The following ARMC9 variants were observed in gnomAD, a reference collection of about 807,000 sequenced individuals.
ARMC9 encodes the protein lisH domain-containing protein ARMC9.
Under a neutral mutation model 107.0 loss-of-function variants are expected in ARMC9, and 94 were observed. The ratio of observed to expected loss-of-function variants is 0.88; its 90% CI spans 0.74 to 1.04. The LOEUF is 1.04. Ranked by LOEUF, ARMC9 falls within the 50% of genes least tolerant of loss-of-function variation. ARMC9 has a pLI of 0.00. For synonymous variants in ARMC9, 380 were observed against 396.9 expected (o/e 0.96, Z 0.51); for missense variants, 942 against 1,030.1 (o/e 0.91, Z 1.17).
rs61031104 is a variant in ARMC9 at position 231,221,830 on chromosome 2, C to CAA, written c.505-881_505-880dup. 5.7e-4 allele frequency among the ~76,000 whole-genome samples: 42 copies of CAA among 74,056 alleles called. 1 individual carries two copies. Among genetic ancestry groups the CAA allele is most frequent in the South Asian group, 4.6e-3 (9 of 1,944 alleles). 48.6% of individuals were successfully genotyped at this position (74,056 alleles called of 152,430 possible). A position where few individuals can be genotyped will look rare whatever the true frequency, so the allele number is the denominator to read the frequency against. ...TGGGTGACAAAGCAAGACTCTGTCTCAAAAAAAAAAAAAAAAAAGAACTTT... is the reference window on the plus strand; with the variant it reads ...TGGGTGACAAAGCAAGACTCTGTCTCAAAAAAAAAAAAAAAAAAAAGAACTTT... On this transcript the variant is annotated intron_variant, in intron 5 of 24. Transcript: ENST00000611582.
At chr2:231,327,700 A>ATAAT (rs1232305922) in intron 19 of ARMC9, among the ~76,000 whole-genome samples, 1 of 152,234 alleles carries the variant, frequency 6.6e-6, no homozygotes, top group Non-Finnish European at 1.5e-5. Context: ...GCCCAGGAGT[A>ATAAT]TAATTGCTGG....
At chr2:231,292,393 A>G (rs78838664) in intron 18 of ARMC9, among the ~76,000 whole-genome samples, 1 of 152,118 alleles carries the variant, frequency 6.6e-6, no homozygotes, top group African/African-American at 2.4e-5. Context: ...GGGTCAGATA[A>G]TGAAAGCAAA....
At chr2:231,233,421 G>A (rs1240400005) in intron 7 of ARMC9, among the ~76,000 whole-genome samples, 1 of 152,092 alleles carries the variant, frequency 6.6e-6, no homozygotes, top group Non-Finnish European at 1.5e-5. Flanking sequence ...GGGTGATTCT[G>A]ATGTATTTCA....
chr2:231,272,189 T>G (rs1210707018), intron 13 of ARMC9, among the ~76,000 whole-genome samples: 1 of 111,466 alleles, frequency 9.0e-6, no homozygotes, highest in Non-Finnish European at 1.8e-5. Context: ...TGTGTTTGGT[T>G]TTTTTTTTTT....
intron 10 of ARMC9, among the ~76,000 whole-genome samples, chr2:231,257,285 A>G (rs6724253): frequency 0.44 from 67,405 of 152,150 alleles, 18,772 homozygotes; most frequent in African/African-American, 0.8. Context: ...ACTGTGATCA[A>G]GGCCATGGGC....
chr2:231,272,320 A>G (rs1180633895), intron 13 of ARMC9, among the ~76,000 whole-genome samples: 7 of 150,930 alleles, frequency 4.6e-5, no homozygotes, highest in East Asian at 3.9e-4. Flanking sequence ...CAGCCCCCCA[A>G]TTAGCGGGAT....
At chr2:231,338,250 GCTCTGCTGCC>G (rs2044262317) in intron 20 of ARMC9, among the ~76,000 whole-genome samples, 1 of 147,470 alleles carries the variant, frequency 6.8e-6, no homozygotes, top group South Asian at 2.1e-4. Flanking sequence ...AAACAGTCTT[GCTCTGCTGCC>G]CAGGCTGGAG....
chr2:231,296,815 G>A (rs1248720022), intron 19 of ARMC9, among the ~76,000 whole-genome samples: 1 of 152,216 alleles, frequency 6.6e-6, no homozygotes, highest in Non-Finnish European at 1.5e-5. Flanking sequence ...GTAAAGAATG[G>A]TGACTCAGGG....
At chr2:231,286,331 G>T (rs985789582) in intron 17 of ARMC9, among the ~76,000 whole-genome samples, 4 of 152,162 alleles carry the variant, frequency 2.6e-5, no homozygotes, top group African/African-American at 9.7e-5. Flanking sequence ...GGCCAGGCTG[G>T]TCTCAAACTT....
chr2:231,203,977 A>AC, intron 1 of ARMC9, among the ~76,000 whole-genome samples: 1 of 151,958 alleles, frequency 6.6e-6, no homozygotes, highest in East Asian at 1.9e-4. Flanking sequence ...AAACAAACAA[A>AC]AAAAAACCTC....
rs190749514 is a variant in ARMC9, at chr2:231,264,647, G to A, written c.1119+2249G>A. Among the ~76,000 whole-genome samples, 393 of 152,034 alleles carry A rather than the reference G, an allele frequency of 2.6e-3. 4 individuals are homozygous for A. The highest frequency in any genetic ancestry group is 0.017 in the South Asian group (82 of 4,808). ...CAAGTAGCTGGGATTACAGGCATGC[G>A]CCATCACGCCCAGCTAATTTTGTAT... is the stretch of plus-strand genomic sequence containing the variant. On this transcript the variant is annotated intron_variant, in intron 12 of 24. Coordinates refer to ENST00000611582, the MANE Select transcript of ARMC9 (RefSeq NM_001352754.2).
chr2:231,289,891 T>C (rs1253215772), intron 17 of ARMC9, among the ~76,000 whole-genome samples: 1 of 152,190 alleles, frequency 6.6e-6, no homozygotes, highest in South Asian at 2.1e-4. Context: ...CCTTGTTTCT[T>C]CCCTTTGCTT....
chr2:231,203,003 C>G (rs950123645), intron 1 of ARMC9, among the ~76,000 whole-genome samples: 9 of 152,166 alleles, frequency 5.9e-5, no homozygotes, highest in African/African-American at 2.2e-4. Context: ...ACAGTTCAAG[C>G]CTTTGATAAA....
chr2:231,208,372 A>G lies in ARMC9; in HGVS notation c.177+120A>G, dbSNP rs2032336146. On this transcript the variant is annotated intron_variant, in intron 3 of 24. Transcript: ENST00000611582. Reference sequence around the variant, plus strand: ...GAGCACTTGCTCAGAGTTACTTTAGATGGCACAAGTGTTTATAGATGAACT... The same window carrying G: ...GAGCACTTGCTCAGAGTTACTTTAGGTGGCACAAGTGTTTATAGATGAACT... The G allele has an allele frequency of 7.5e-5, 57 of 759,484 alleles. No homozygotes were observed. The South Asian group carries it at 9.2e-4, about 12-fold the overall frequency. The allele number at this position is 759,484 out of a possible 1,614,324, so 47.0% of individuals were successfully genotyped here.
chr2:231,233,632 C>T (rs1162264044), intron 7 of ARMC9, among the ~76,000 whole-genome samples: 1 of 152,066 alleles, frequency 6.6e-6, no homozygotes, highest in East Asian at 1.9e-4. Flanking sequence ...CAAAATTAGC[C>T]GGGCATGGTG....
intron 9 of ARMC9, 100 bp from the exon 10 acceptor site, chr2:231,256,486 T>C: frequency 2.1e-6 from 3 of 1,459,272 alleles, no homozygotes; most frequent in Non-Finnish European, 2.9e-6. Context: ...AAAACCTAAC[T>C]TGCACATCTG....
At chr2:231,286,805 C>T (rs569678144) in intron 17 of ARMC9, among the ~76,000 whole-genome samples, 25 of 152,230 alleles carry the variant, frequency 1.6e-4, no homozygotes, top group South Asian at 6.2e-4. Context: ...ATAAAAATTA[C>T]ATTAGTACCA....
intron 23 of ARMC9, among the ~76,000 whole-genome samples, chr2:231,369,074 A>G (rs766290422): frequency 2.0e-5 from 3 of 152,168 alleles, no homozygotes; most frequent in Non-Finnish European, 4.4e-5. Flanking sequence ...GGCCCAGGAT[A>G]TGTCCTCACT....
At chr2:231,218,194 TG>T (rs2033735103) in intron 5 of ARMC9, among the ~76,000 whole-genome samples, 3 of 152,180 alleles carry the variant, frequency 2.0e-5, no homozygotes, top group Admixed American at 2.0e-4. Context: ...GCAGGCCTTT[TG>T]TAGAGTAGCC....
Sources: gnomAD v4.1 joint callset for allele counts (sites outside exome capture counted in the v4.1 genomes callset) on GRCh38, gnomAD v4.1.1 for gene constraint, MANE v1.5 for transcripts, NCBI Gene and HGNC (gene_info 2026-07-23, HGNC 2026-07-21) for gene names.